Variants in SLC12A8 observed in about 807,000 individuals in gnomAD.
SLC12A8 encodes solute carrier family 12 member 8, also known as cation-chloride cotransporter 9.
A neutral mutation model predicts 75.6 loss-of-function variants in SLC12A8; 69 were observed. The ratio of observed to expected loss-of-function variants is 0.91; its 90% CI spans 0.75 to 1.11. SLC12A8 has a LOEUF of 1.11. Among genes scored for constraint, SLC12A8 ranks in the 50% most tolerant of loss-of-function variants. The pLI, the probability that SLC12A8 is intolerant of heterozygous loss-of-function variation, is 0.00. For missense variants in SLC12A8, 877 were observed against 896.7 expected (o/e 0.98, Z 0.28); for synonymous variants, 365 against 372.8 (o/e 0.98, Z 0.24).
At chr3:125,113,264 T>A (rs1292461195) in intron 8 of SLC12A8, among the ~76,000 whole-genome samples, 1 of 152,182 alleles carries the variant, frequency 6.6e-6, no homozygotes, top group African/African-American at 2.4e-5. Context: ...CAGGGCCAAG[T>A]ATAGCAACCT....
chr3:125,130,231 C>T (rs1051983513), intron 6 of SLC12A8, among the ~76,000 whole-genome samples: 2 of 152,156 alleles, frequency 1.3e-5, no homozygotes, highest in Admixed American at 1.3e-4. Context: ...GGAAGGACAA[C>T]GACACTCCAT....
chr3:125,200,238 C>T (rs564673943), intron 2 of SLC12A8, among the ~76,000 whole-genome samples: 2 of 152,258 alleles, frequency 1.3e-5, no homozygotes, highest in African/African-American at 4.8e-5. Flanking sequence ...CGCTTGAGTC[C>T]AGGAGTTTGA....
chr3:125,177,812 G>C lies in SLC12A8; in HGVS notation c.553C>G (p.Leu185Val). 6.2e-7 allele frequency: 1 copy of C among 1,614,200 alleles called. No individual in the cohort carries two copies. Among genetic ancestry groups the C allele is most frequent in the Non-Finnish European group, 8.5e-7 (1 of 1,180,028 alleles). Reference sequence around the variant, plus strand: ...GACACGGCCAGCAGGAACAGCAACAGCAGCTGGAGGCGGATTATCCATTTG... The same window carrying C: ...GACACGGCCAGCAGGAACAGCAACACCAGCTGGAGGCGGATTATCCATTTG... ...GVKWIIRLQLLLLFLLAVSTL... is the reference protein window; with the variant it reads ...GVKWIIRLQLVLLFLLAVSTL... The change falls in exon 5 of 14, where the codon CTG becomes GTG. Residue 185 changes from leucine to valine, a missense_variant. By Grantham distance (32) the Leu-to-Val change is conservative. Coordinates refer to ENST00000469902, the MANE Select transcript of SLC12A8 (RefSeq NM_024628.6).
intron 8 of SLC12A8, among the ~76,000 whole-genome samples, chr3:125,115,244 G>C (rs1017623522): frequency 6.6e-6 from 1 of 152,130 alleles, no homozygotes; most frequent in Non-Finnish European, 1.5e-5. Flanking sequence ...AGACGTCGCC[G>C]GGCGCAGTAG....
At chr3:125,087,399 T>C (rs1019620608) in intron 13 of SLC12A8, among the ~76,000 whole-genome samples, 3 of 152,196 alleles carry the variant, frequency 2.0e-5, no homozygotes, top group Non-Finnish European at 4.4e-5. Flanking sequence ...AGCCCTATTT[T>C]ACCATAATTT....
chr3:125,122,810 C>G (rs547127075), intron 6 of SLC12A8, among the ~76,000 whole-genome samples: 1 of 152,012 alleles, frequency 6.6e-6, no homozygotes. Context: ...AACAAATACA[C>G]GCATAAATAG....
rs768087718 is a variant in SLC12A8, at chr3:125,107,735, C to A, written c.1451G>T (p.Arg484Met). Reference protein sequence around the residue: ...SSQPRQGEGNRTPESQKRKSK... With the variant: ...SSQPRQGEGNMTPESQKRKSK... Reference sequence around the variant, plus strand: ...TTTCCTCTTCTGACTTTCTGGGGTCCTGTTACCCTCTCCTTGCCTGGGCTG... The same window carrying A: ...TTTCCTCTTCTGACTTTCTGGGGTCATGTTACCCTCTCCTTGCCTGGGCTG... The change falls in exon 10 of 14, where the codon AGG becomes ATG. Residue 484 changes from arginine to methionine, a missense_variant. Physicochemically the swap from Arg to Met is moderately conservative, Grantham distance 91. Transcript: ENST00000469902. 1 of 1,614,152 alleles carries A rather than the reference C, an allele frequency of 6.2e-7. No individual in the cohort carries two copies. Among genetic ancestry groups the A allele is most frequent in the South Asian group, 1.1e-5 (1 of 91,084 alleles).
At chr3:125,212,301 T>C (rs961039309) in intron 1 of SLC12A8, among the ~76,000 whole-genome samples, 1 of 152,022 alleles carries the variant, frequency 6.6e-6, no homozygotes. Flanking sequence ...GGGTGACAGG[T>C]AGGGAGCCAG....
At chr3:125,178,042 C>T in intron 4 of SLC12A8, 68 bp from the exon 5 acceptor site, 3 of 1,314,900 alleles carry the variant, frequency 2.3e-6, no homozygotes, top group Non-Finnish European at 3.2e-6. Context: ...CAGAACCGCC[C>T]AGCGCTGAGA....
intron 2 of SLC12A8, among the ~76,000 whole-genome samples, chr3:125,204,670 G>C (rs1935192687): frequency 6.6e-6 from 1 of 152,002 alleles, no homozygotes. Flanking sequence ...AGCAAAGAAG[G>C]GTAACTATAG....
intron 5 of SLC12A8, among the ~76,000 whole-genome samples, chr3:125,142,415 G>A (rs1933671747): frequency 6.6e-6 from 1 of 152,206 alleles, no homozygotes; most frequent in African/African-American, 2.4e-5. Context: ...TATCAGGGAG[G>A]AGCCCAGTCA....
chr3:125,131,551 C>T (rs2107758357), intron 6 of SLC12A8, among the ~76,000 whole-genome samples: 1 of 152,194 alleles, frequency 6.6e-6, no homozygotes, highest in Middle Eastern at 3.4e-3. Context: ...CCACACCTGG[C>T]TAATTTTTGT....
intron 10 of SLC12A8, among the ~76,000 whole-genome samples, chr3:125,099,162 C>T (rs192204662): frequency 2.1e-4 from 31 of 144,844 alleles, no homozygotes; most frequent in Non-Finnish European, 3.8e-4. Context: ...GCCTTAAGGG[C>T]TATGCAGAGC....
chr3:125,189,201 G>A (rs1284973916), intron 3 of SLC12A8, among the ~76,000 whole-genome samples: 1 of 152,204 alleles, frequency 6.6e-6, no homozygotes, highest in East Asian at 1.9e-4. Flanking sequence ...TTCCCAAAGA[G>A]GAAGGAATTC....
intron 6 of SLC12A8, among the ~76,000 whole-genome samples, chr3:125,128,426 C>A (rs1208388731): frequency 1.3e-5 from 2 of 149,088 alleles, no homozygotes; most frequent in South Asian, 4.3e-4. Flanking sequence ...GTGATCCGCC[C>A]GCCTCGGCCT....
intron 4 of SLC12A8, among the ~76,000 whole-genome samples, chr3:125,183,310 G>A (rs1173858144): frequency 2.0e-5 from 3 of 152,080 alleles, no homozygotes; most frequent in African/African-American, 4.8e-5. Context: ...CTTAGACCAG[G>A]CATTCCTTTT....
At chr3:125,101,828 C>T (rs1016549334) in intron 10 of SLC12A8, among the ~76,000 whole-genome samples, 2 of 152,142 alleles carry the variant, frequency 1.3e-5, no homozygotes, top group Non-Finnish European at 2.9e-5. Flanking sequence ...TCTATTTGAT[C>T]AATGCTTCAA....
At position 125,135,736 on chromosome 3, in the gene SLC12A8, C is replaced by T. The variant is rs201602314; in HGVS notation, c.669G>A (p.Thr223=). ...ATTCCCCCGGGCTGTAATCGGGCAG[C>T]GTGTTGTTCTGTAGCAGTTCGGGTG... The part of the protein sequence containing the change: ...GYSPELLQNN[T]LPDYSPGESF... The change falls in exon 6 of 14, where the codon ACG becomes ACA. Residue 223 remains threonine (T), a synonymous_variant. Transcript: ENST00000469902. 233 of 1,609,178 alleles carry T rather than the reference C, an allele frequency of 1.4e-4. 1 individual carries two copies. In the African/African-American group the frequency reaches 2.6e-3, roughly 18 times the overall value.
chr3:125,135,147 G>A (rs975292548), intron 6 of SLC12A8, among the ~76,000 whole-genome samples: 2 of 152,194 alleles, frequency 1.3e-5, no homozygotes, highest in Admixed American at 6.5e-5. Context: ...TCACCCCCGC[G>A]ATACTGGTTT....
Sources: gnomAD v4.1 joint callset for allele counts (sites outside exome capture counted in the v4.1 genomes callset) on GRCh38, gnomAD v4.1.1 for gene constraint, MANE v1.5 for transcripts, NCBI Gene and HGNC (gene_info 2026-07-23, HGNC 2026-07-21) for gene names.